C1orf105: variants seen among roughly 807,000 people sequenced by gnomAD.
C1orf105 encodes chromosome 1 open reading frame 105, also known as uncharacterized protein C1orf105.
A neutral mutation model predicts 20.8 loss-of-function variants in C1orf105; 17 were observed. That is an observed-to-expected ratio of 0.82 (90% confidence interval 0.56 to 1.23). The LOEUF is 1.23. Among genes scored for constraint, C1orf105 ranks in the 50% most tolerant of loss-of-function variants. The pLI is 0.00. For missense variants in C1orf105, 219 were observed against 213.5 expected, an observed-to-expected ratio of 1.03 and a Z score of -0.16; for synonymous variants, 72 against 72.1, an observed-to-expected ratio of 1.00 and a Z score of 0.01.
chr1:172,431,009 T>C (rs1038872196), intron 1 of C1orf105: 4 of 587,642 alleles, frequency 6.8e-6, no homozygotes, highest in African/African-American at 1.9e-5. Context: ...GTGTTCTGAC[T>C]GCTCCACTGA....
intron 1 of C1orf105, among the ~76,000 whole-genome samples, chr1:172,432,927 C>T (rs965061393): frequency 2.0e-5 from 3 of 152,170 alleles, no homozygotes; most frequent in African/African-American, 7.2e-5. Context: ...CCTCAAATGA[C>T]CTGATGGAGC....
intron 1 of C1orf105, 27 bp downstream of exon 1, chr1:172,420,933 A>C: frequency 6.3e-7 from 1 of 1,585,952 alleles, no homozygotes; most frequent in Non-Finnish European, 8.7e-7. Flanking sequence ...TGAAACTTCC[A>C]ATTCTTTCCT....
At chr1:172,431,847 G>T (rs144794313) in intron 1 of C1orf105, among the ~76,000 whole-genome samples, 1 of 152,238 alleles carries the variant, frequency 6.6e-6, no homozygotes, top group Non-Finnish European at 1.5e-5. Flanking sequence ...AAGGGAAGCC[G>T]TGACAGACTG....
At chr1:172,452,651 G>A (rs80158362) in intron 3 of C1orf105, 14,480 of 409,960 alleles carry the variant, frequency 0.035, 288 homozygotes, top group South Asian at 0.048. Flanking sequence ...CTTAGACACC[G>A]CAGCAGATAT....
chr1:172,455,593 A>C (rs1330572398), intron 3 of C1orf105, among the ~76,000 whole-genome samples: 4 of 152,232 alleles, frequency 2.6e-5, no homozygotes, highest in African/African-American at 9.7e-5. Context: ...CTTTTATCAG[A>C]GATGCAAATG....
chr1:172,453,260 C>A, intron 3 of C1orf105: 2 of 1,461,706 alleles, frequency 1.4e-6, no homozygotes, highest in Non-Finnish European at 1.8e-6. Flanking sequence ...AGGATTAGAG[C>A]ATCCGCCTCT....
At chr1:172,429,119 T>C (rs576253138) in intron 1 of C1orf105, among the ~76,000 whole-genome samples, 35 of 152,324 alleles carry the variant, frequency 2.3e-4, no homozygotes, top group African/African-American at 6.7e-4. Flanking sequence ...CCCAAGTTGG[T>C]AACATAGCCT....
At chr1:172,429,075 G>A (rs2071795298) in intron 1 of C1orf105, among the ~76,000 whole-genome samples, 2 of 152,222 alleles carry the variant, frequency 1.3e-5, no homozygotes, top group African/African-American at 2.4e-5. Flanking sequence ...TCAGGCACAA[G>A]CACAGGCTTT....
chr1:172,427,318 C>T (rs1558123299), intron 1 of C1orf105, among the ~76,000 whole-genome samples: 2 of 152,356 alleles, frequency 1.3e-5, no homozygotes, highest in East Asian at 3.9e-4. Context: ...CCAGGCTTTG[C>T]ACTTGTGCAC....
chr1:172,463,564 A>T (rs528600422), intron 5 of C1orf105, among the ~76,000 whole-genome samples: 1 of 152,338 alleles, frequency 6.6e-6, no homozygotes, highest in East Asian at 1.9e-4. Context: ...AAGAGCTCTT[A>T]TATGATAAAA....
intron 1 of C1orf105, among the ~76,000 whole-genome samples, chr1:172,425,034 G>T (rs76132974): frequency 0.018 from 2,692 of 152,268 alleles, 44 homozygotes; most frequent in Middle Eastern, 0.071. Flanking sequence ...CTCAGCATTG[G>T]TAAAATCAAT....
intron 3 of C1orf105, among the ~76,000 whole-genome samples, chr1:172,448,824 C>T (rs376928510): frequency 6.6e-6 from 1 of 152,184 alleles, no homozygotes; most frequent in South Asian, 2.1e-4. Context: ...TGCCTATCAG[C>T]CTGTGACTGG....
At chr1:172,436,138 T>C (rs2072033756) in intron 1 of C1orf105, among the ~76,000 whole-genome samples, 1 of 152,172 alleles carries the variant, frequency 6.6e-6, no homozygotes, top group South Asian at 2.1e-4. Context: ...ATAGGAAGAA[T>C]CAGTATCATG....
chr1:172,444,094 C>CA, intron 1 of C1orf105: 10 of 996,360 alleles, frequency 1.0e-5, no homozygotes, highest in Non-Finnish European at 1.2e-5. Flanking sequence ...GGGTCCGCCG[C>CA]AATCTCCTTA....
chr1:172,432,120 G>T (rs1195836099), intron 1 of C1orf105, among the ~76,000 whole-genome samples: 2 of 152,232 alleles, frequency 1.3e-5, no homozygotes, highest in African/African-American at 4.8e-5. Flanking sequence ...CTGCAGCTCA[G>T]CAAGGCCTAC....
chr1:172,452,752 A>G, intron 3 of C1orf105: 2 of 1,286,966 alleles, frequency 1.6e-6, no homozygotes, highest in East Asian at 3.6e-5. Flanking sequence ...TGGCCAGGCT[A>G]CACATAGGTT....
At chr1:172,444,480 A>C (rs963899096) in intron 1 of C1orf105, among the ~76,000 whole-genome samples, 5 of 152,266 alleles carry the variant, frequency 3.3e-5, no homozygotes, top group Non-Finnish European at 5.9e-5. Context: ...GCCGTGAATG[A>C]AACACACAAA....
At position 172,468,469 on chromosome 1, in the gene C1orf105, C is replaced by CCTGGGG; in HGVS notation, c.428_429insTGGGGC (p.Pro143_Ile144insGlyAla). 1 of 1,613,436 alleles carries CCTGGGG rather than the reference C, an allele frequency of 6.2e-7. No individual in the cohort carries two copies. The highest frequency in any genetic ancestry group is 8.5e-7 in the Non-Finnish European group (1 of 1,179,480). On this transcript the variant is annotated inframe_insertion, in exon 7 of 7. Coordinates refer to ENST00000367727, the MANE Select transcript of C1orf105 (RefSeq NM_139240.4). ...TCCAGAAAGCATTCACTACAGACTGCCCATTCTGGGCCCCAGGACAGCTGT... is the reference window on the plus strand; with the variant it reads ...TCCAGAAAGCATTCACTACAGACTGCCTGGGGCCATTCTGGGCCCCAGGACAGCTGT...
At chr1:172,456,564 G>C in intron 4 of C1orf105, 75 bp downstream of exon 4, 1 of 1,445,422 alleles carries the variant, frequency 6.9e-7, no homozygotes, top group Non-Finnish European at 9.6e-7. Context: ...CAAGCCCTGT[G>C]GGGAGAGATA....
Sources: allele counts gnomAD v4.1 joint callset (sites outside exome capture counted in the v4.1 genomes callset), GRCh38; gene constraint gnomAD v4.1.1; transcripts MANE v1.5; gene names NCBI Gene and HGNC (gene_info 2026-07-23, HGNC 2026-07-21).